The following NRDC variants were observed in gnomAD, a reference collection of about 807,000 sequenced individuals.
The protein encoded by NRDC is nardilysin convertase, also known as nardilysin.
NRDC carries 54 observed loss-of-function variants against 147.1 expected under a neutral mutation model. That is an observed-to-expected ratio of 0.37 (90% CI 0.29 to 0.46). NRDC has a LOEUF of 0.46. Among genes scored for constraint, NRDC ranks in the 20% least tolerant of loss-of-function variants. NRDC has a pLI of 1.00. For missense variants in NRDC, 1,082 were observed against 1,370.6 expected (o/e 0.79, Z 3.33); for synonymous variants, 440 against 482.1 (o/e 0.91, Z 1.14).
At chr1:51,860,337 C>T (rs1350454244) in intron 1 of NRDC, among the ~76,000 whole-genome samples, 1 of 152,008 alleles carries the variant, frequency 6.6e-6, no homozygotes, top group Non-Finnish European at 1.5e-5. Context: ...ATTGTTTTTT[C>T]TTCAAAAATA....
chr1:51,792,339 G>A, intron 25 of NRDC, 38 bp downstream of exon 25: 3 of 1,604,042 alleles, frequency 1.9e-6, no homozygotes, highest in Non-Finnish European at 2.6e-6. Flanking sequence ...GTGGGTCAGG[G>A]GCTGCTGAAA....
chr1:51,811,503 C>A (rs1211913136), intron 15 of NRDC, among the ~76,000 whole-genome samples: 1 of 152,176 alleles, frequency 6.6e-6, no homozygotes, highest in Admixed American at 6.5e-5. Flanking sequence ...ATGACTTATT[C>A]TCCACTAGTG....
At chr1:51,859,095 C>G (rs1682404297) in intron 1 of NRDC, among the ~76,000 whole-genome samples, 1 of 152,060 alleles carries the variant, frequency 6.6e-6, no homozygotes, top group South Asian at 2.1e-4. Context: ...AGAGTTGTCC[C>G]ATTAGAAATG....
intron 7 of NRDC, among the ~76,000 whole-genome samples, chr1:51,822,466 A>C (rs552694971): frequency 6.6e-6 from 1 of 152,186 alleles, no homozygotes; most frequent in African/African-American, 2.4e-5. Context: ...ACCTGAGCCC[A>C]GGCATTTGAG....
chr1:51,824,122 C>CTT (rs11341489), intron 6 of NRDC, among the ~76,000 whole-genome samples: 3 of 132,030 alleles, frequency 2.3e-5, no homozygotes, highest in African/African-American at 2.8e-5. Flanking sequence ...TTGCCTAATT[C>CTT]TTTTTTTTTT....
chr1:51,831,965 T>G (rs1235069302), intron 4 of NRDC, among the ~76,000 whole-genome samples: 4 of 152,182 alleles, frequency 2.6e-5, no homozygotes, highest in Admixed American at 6.5e-5. Context: ...TGCTTCCAAT[T>G]TATAGGAATA....
intron 19 of NRDC, among the ~76,000 whole-genome samples, chr1:51,804,853 C>G (rs1739123): frequency 0.011 from 1,552 of 144,764 alleles, 7 homozygotes; most frequent in Non-Finnish European, 0.015. Context: ...GTATCTCCTA[C>G]GTTCAGACAC....
intron 1 of NRDC, among the ~76,000 whole-genome samples, chr1:51,866,513 AG>A (rs1212979216): frequency 1.3e-5 from 2 of 152,216 alleles, no homozygotes; most frequent in Admixed American, 1.3e-4. Context: ...AAAAACAAAA[AG>A]AAAAAAGCTA....
chr1:51,869,237 G>A (rs777561938), intron 1 of NRDC, among the ~76,000 whole-genome samples: 22 of 152,230 alleles, frequency 1.4e-4, no homozygotes, highest in Non-Finnish European at 2.4e-4. Context: ...ATGAACCAGC[G>A]CGCCCAGCCA....
chr1:51,877,951 T>C, intron 1 of NRDC: 1 of 1,075,370 alleles, frequency 9.3e-7, no homozygotes, highest in South Asian at 2.7e-5. Context: ...CCGTCAACCT[T>C]TCCTGGTAAC....
rs1412938539 is a variant in NRDC at position 51,814,603 on chromosome 1, A to G, written c.1567T>C (p.Tyr523His). 1.9e-6 allele frequency: 3 copies of G among 1,613,110 alleles called. No individual in the cohort carries two copies. Among genetic ancestry groups the G allele is most frequent in the Non-Finnish European group, 2.5e-6 (3 of 1,179,246 alleles). ...ATTTTTAAATACTGAAAGACAGTGT[A>G]AGCAACCTGAAAACAAAACATCCAA... ...EGYEHFYEVA[Y>H]TVFQYLKMLQ... The change falls in exon 13 of 31, where the codon TAC (tyrosine) becomes CAC (histidine). Residue 523 changes from tyrosine to histidine, a missense_variant. Transcript: ENST00000352171.
At chr1:51,876,024 T>A (rs1683308362) in intron 1 of NRDC, among the ~76,000 whole-genome samples, 1 of 152,192 alleles carries the variant, frequency 6.6e-6, no homozygotes. Flanking sequence ...TAGCACACAG[T>A]AGGACTTAAC....
chr1:51,791,088 A>T, intron 27 of NRDC, 98 bp from the exon 28 acceptor site: 1 of 811,314 alleles, frequency 1.2e-6, no homozygotes, highest in South Asian at 1.6e-5. Flanking sequence ...AGGAATTAAG[A>T]CTAAGACATA....
intron 1 of NRDC, among the ~76,000 whole-genome samples, chr1:51,849,339 CG>C (rs1681819892): frequency 6.7e-6 from 1 of 150,218 alleles, no homozygotes; most frequent in African/African-American, 2.5e-5. Context: ...GGCGTGAACT[CG>C]GGAGGCGGAG....
At chr1:51,826,432 GA>G (rs1373952296) in intron 5 of NRDC, among the ~76,000 whole-genome samples, 1 of 152,092 alleles carries the variant, frequency 6.6e-6, no homozygotes, top group Non-Finnish European at 1.5e-5. Flanking sequence ...ACCATATTTG[GA>G]AAGGAAACAA....
intron 1 of NRDC, among the ~76,000 whole-genome samples, chr1:51,866,590 G>A (rs1682820656): frequency 6.6e-6 from 1 of 151,460 alleles, no homozygotes; most frequent in Non-Finnish European, 1.5e-5. Flanking sequence ...TAGGAAAATA[G>A]ATAATAACGA....
chr1:51,815,190 T>C (rs1000640899), intron 11 of NRDC, among the ~76,000 whole-genome samples: 17 of 149,920 alleles, frequency 1.1e-4, no homozygotes, highest in African/African-American at 4.2e-4. Context: ...TTCTTTTTTT[T>C]TTTTTTTTTT....
At chr1:51,864,304 T>C (rs1177866773) in intron 1 of NRDC, among the ~76,000 whole-genome samples, 1 of 152,138 alleles carries the variant, frequency 6.6e-6, no homozygotes, top group Non-Finnish European at 1.5e-5. Context: ...TCATTACAAA[T>C]CAGATTTAAC....
chr1:51,837,428 T>C (rs1681041961), intron 2 of NRDC: 1 of 1,397,674 alleles, frequency 7.2e-7, no homozygotes, highest in African/African-American at 1.4e-5. Flanking sequence ...CATTGGGGAA[T>C]ATCCAGTTCT....
Sources: gnomAD v4.1 joint callset for allele counts (sites outside exome capture counted in the v4.1 genomes callset) on GRCh38, gnomAD v4.1.1 for gene constraint, MANE v1.5 for transcripts, NCBI Gene and HGNC (gene_info 2026-07-23, HGNC 2026-07-21) for gene names.